PARD3: variants seen among roughly 807,000 people sequenced by gnomAD.
The protein encoded by PARD3 is partitioning defective 3 homolog.
A neutral mutation model predicts 155.4 loss-of-function variants in PARD3; 75 were observed. That is an observed-to-expected ratio of 0.48 (90% confidence interval 0.40 to 0.58). PARD3 has a LOEUF of 0.58. Among genes scored for constraint, PARD3 ranks in the 20% least tolerant of loss-of-function variants. The pLI is 0.00. For synonymous variants in PARD3, 576 were observed against 610.5 expected (o/e 0.94, Z 0.83); for missense variants, 1,642 against 1,721.7 (o/e 0.95, Z 0.82).
At chr10:34,254,604 T>C (rs1954556954) in intron 22 of PARD3, among the ~76,000 whole-genome samples, 1 of 151,240 alleles carries the variant, frequency 6.6e-6, no homozygotes, top group African/African-American at 2.4e-5. Flanking sequence ...CTTTCCCATT[T>C]AGGAATTCAG....
intron 1 of PARD3, among the ~76,000 whole-genome samples, chr10:34,747,668 G>GC (rs1407868034): frequency 6.6e-6 from 1 of 152,186 alleles, no homozygotes; most frequent in Non-Finnish European, 1.5e-5. Flanking sequence ...GTCGTGGTAT[G>GC]CCCACCATGC....
chr10:34,303,403 C>T (rs1041597953), intron 20 of PARD3, among the ~76,000 whole-genome samples: 3 of 150,868 alleles, frequency 2.0e-5, no homozygotes, highest in African/African-American at 7.3e-5. Context: ...ATAAATTAAA[C>T]AGATGTCATC....
intron 3 of PARD3, among the ~76,000 whole-genome samples, chr10:34,497,637 T>C (rs920124129): frequency 6.6e-6 from 1 of 152,198 alleles, no homozygotes; most frequent in Non-Finnish European, 1.5e-5. Flanking sequence ...GCTGACTTTA[T>C]ACAACATTCA....
intron 1 of PARD3, among the ~76,000 whole-genome samples, chr10:34,716,035 A>G (rs1041578414): frequency 1.3e-5 from 2 of 152,218 alleles, no homozygotes; most frequent in Non-Finnish European, 2.9e-5. Flanking sequence ...AAATACAGAC[A>G]TCCATTTAAA....
intron 2 of PARD3, among the ~76,000 whole-genome samples, chr10:34,632,603 T>C (rs1329938188): frequency 2.0e-5 from 3 of 152,176 alleles, no homozygotes; most frequent in African/African-American, 4.8e-5. Context: ...CTGTACCAGG[T>C]AGATACAAAT....
At position 34,507,414 on chromosome 10, in the gene PARD3, T is replaced by A. The variant is rs1002059280; in HGVS notation, c.403+9565A>T. On this transcript the variant is annotated intron_variant, in intron 3 of 24. Transcript: ENST00000374788. Reference sequence around the variant, plus strand: ...GGTCAGAAAAAAGAGTACTCCAATTTATAAATAAACAATAGAGGTAACGTG... The same window carrying A: ...GGTCAGAAAAAAGAGTACTCCAATTAATAAATAAACAATAGAGGTAACGTG... Among the ~76,000 whole-genome samples, 5 of 151,730 alleles carry A rather than the reference T, an allele frequency of 3.3e-5. No homozygotes were observed. The East Asian group carries it at 7.7e-4, about 24-fold the overall frequency.
chr10:34,162,405 G>A (rs919507594), intron 22 of PARD3, among the ~76,000 whole-genome samples: 3 of 152,208 alleles, frequency 2.0e-5, no homozygotes, highest in South Asian at 2.1e-4. Context: ...CTCACTCTTC[G>A]ATGTCCGCAT....
intron 2 of PARD3, among the ~76,000 whole-genome samples, chr10:34,560,737 A>C (rs2085401537): frequency 6.6e-6 from 1 of 152,212 alleles, no homozygotes; most frequent in Non-Finnish European, 1.5e-5. Flanking sequence ...AGCAGAAACC[A>C]TGGCGTGTCC....
At chr10:34,799,235 T>A (rs994365462) in intron 1 of PARD3, among the ~76,000 whole-genome samples, 1 of 152,122 alleles carries the variant, frequency 6.6e-6, no homozygotes, top group Non-Finnish European at 1.5e-5. Flanking sequence ...AGAGATGGGG[T>A]TTCACCATGT....
At chr10:34,749,089 A>G (rs550711260) in intron 1 of PARD3, among the ~76,000 whole-genome samples, 4 of 152,186 alleles carry the variant, frequency 2.6e-5, no homozygotes, top group Non-Finnish European at 5.9e-5. Context: ...TACTTTCCAA[A>G]TTCTAGTCCT....
At chr10:34,114,626 T>G (rs748383548) in intron 24 of PARD3, among the ~76,000 whole-genome samples, 3 of 152,198 alleles carry the variant, frequency 2.0e-5, no homozygotes, top group African/African-American at 7.2e-5. Context: ...ATTACAGGCA[T>G]GAGCCACTCT....
chr10:34,482,567 C>A lies in PARD3; in HGVS notation c.404-12304G>T, dbSNP rs113931791. Among the ~76,000 whole-genome samples, 833 of 151,612 alleles carry A rather than the reference C, an allele frequency of 5.5e-3. 7 individuals carry two copies. The highest frequency in any genetic ancestry group is 0.019 in the African/African-American group (791 of 40,946). On this transcript the variant is annotated intron_variant, in intron 3 of 24. Transcript: ENST00000374788. ...AAGGCAAATGTTAGTAAATGTCCAA[C>A]AGGGACAGTTAGAAGAGTACTAAAT...
Position 34,188,338 on chromosome 10 carries a change from T to C in PARD3, c.3420-56755A>G, listed in dbSNP as rs562240381. On this transcript the variant is annotated intron_variant, in intron 22 of 24. Coordinates refer to ENST00000374788, the MANE Select transcript of PARD3 (RefSeq NM_001184785.2). ...TTGCAATTACTTCTGAATATTATAT[T>C]GATCTAGACCTTTTTAACTCAGGAA... Among the ~76,000 whole-genome samples the C allele has an allele frequency of 4.6e-5, 7 of 152,318 alleles. No homozygotes were observed. The East Asian group carries it at 1.2e-3, about 25-fold the overall frequency.
At chr10:34,312,125 G>T in intron 20 of PARD3, 1 of 682,114 alleles carries the variant, frequency 1.5e-6, no homozygotes, top group Non-Finnish European at 2.4e-6. Context: ...AAAAAAACAC[G>T]TCTCTGCCTT....
At chr10:34,628,146 CT>C (rs2092077148) in intron 2 of PARD3, among the ~76,000 whole-genome samples, 1 of 152,216 alleles carries the variant, frequency 6.6e-6, no homozygotes, top group Admixed American at 6.5e-5. Flanking sequence ...GGCAACTTCT[CT>C]CCCCAAATTA....
intron 22 of PARD3, among the ~76,000 whole-genome samples, chr10:34,263,711 C>T (rs1341371940): frequency 6.6e-6 from 1 of 152,174 alleles, no homozygotes; most frequent in East Asian, 1.9e-4. Context: ...AGTTCATTCT[C>T]TTGTACGTTA....
intron 5 of PARD3, among the ~76,000 whole-genome samples, chr10:34,411,801 TTC>T (rs1390016820): frequency 1.3e-5 from 2 of 151,900 alleles, no homozygotes; most frequent in Non-Finnish European, 2.9e-5. Flanking sequence ...ATTCTACCAG[TTC>T]TGTTTCTCTG....
intron 5 of PARD3, among the ~76,000 whole-genome samples, chr10:34,413,144 T>TATAC (rs1365732356): frequency 6.2e-5 from 9 of 146,002 alleles, no homozygotes; most frequent in East Asian, 4.0e-4. Flanking sequence ...CAGATATATA[T>TATAC]ACACACACAC....
intron 22 of PARD3, among the ~76,000 whole-genome samples, chr10:34,175,153 T>C (rs994869487): frequency 6.6e-6 from 1 of 152,232 alleles, no homozygotes; most frequent in Non-Finnish European, 1.5e-5. Flanking sequence ...GGGATTTAAC[T>C]GCACATGGTA....
Sources: gnomAD v4.1 joint callset for allele counts (sites outside exome capture counted in the v4.1 genomes callset) on GRCh38, gnomAD v4.1.1 for gene constraint, MANE v1.5 for transcripts, NCBI Gene and HGNC (gene_info 2026-07-23, HGNC 2026-07-21) for gene names.